Variants in RAD51B observed in about 807,000 individuals in gnomAD.
The protein encoded by RAD51B is DNA repair protein RAD51 homolog 2.
In RAD51B, 38 loss-of-function variants were observed where a neutral mutation model predicts 42.2. The observed-to-expected ratio is 0.90, with a 90% CI of 0.70 to 1.18. RAD51B has a LOEUF of 1.18. RAD51B is among the 50% of genes most tolerant of loss of function. RAD51B has a pLI of 0.00. For synonymous variants in RAD51B, 154 were observed against 145.2 expected (o/e 1.06, Z -0.43); for missense variants, 373 against 400.7 (o/e 0.93, Z 0.59).
At chr14:68,034,116 T>C (rs1218261478) in intron 7 of RAD51B, among the ~76,000 whole-genome samples, 1 of 152,176 alleles carries the variant, frequency 6.6e-6, no homozygotes, top group Admixed American at 6.5e-5. Flanking sequence ...TGTTCATTTT[T>C]TTGGTGCACC....
intron 10 of RAD51B, chr14:68,472,166 C>G (rs2140242395): frequency 6.5e-6 from 1 of 152,718 alleles, no homozygotes; most frequent in Middle Eastern, 3.3e-3. Flanking sequence ...TGGTGTGTGC[C>G]CACAGAAGCA....
At chr14:68,149,482 A>G (rs2078327403) in intron 7 of RAD51B, 1 of 152,210 alleles carries the variant, frequency 6.6e-6, no homozygotes, top group Non-Finnish European at 1.5e-5. Context: ...TTCTTTGTCA[A>G]GGTTCATTTA....
At chr14:68,603,505 T>C (rs577481817) in intron 10 of RAD51B, among the ~76,000 whole-genome samples, 1 of 152,314 alleles carries the variant, frequency 6.6e-6, no homozygotes, top group East Asian at 1.9e-4. Flanking sequence ...TATCTGTTTT[T>C]TTCATTTATC....
At chr14:68,483,452 T>G (rs887077603) in intron 10 of RAD51B, among the ~76,000 whole-genome samples, 1 of 152,192 alleles carries the variant, frequency 6.6e-6, no homozygotes, top group African/African-American at 2.4e-5. Flanking sequence ...ACTTTTCCCC[T>G]AGAGCTTTCA....
chr14:67,980,073 T>A (rs1172916729), intron 7 of RAD51B, among the ~76,000 whole-genome samples: 1 of 152,194 alleles, frequency 6.6e-6, no homozygotes, highest in Non-Finnish European at 1.5e-5. Context: ...GGTCTAGGGT[T>A]CATGCAGTTA....
At chr14:68,554,048 T>A (rs761539016) in intron 10 of RAD51B, among the ~76,000 whole-genome samples, 1 of 152,134 alleles carries the variant, frequency 6.6e-6, no homozygotes, top group Non-Finnish European at 1.5e-5. Flanking sequence ...ATAAGTCCAA[T>A]CTCATAGGGT....
At chr14:68,245,459 A>G (rs976433128) in intron 7 of RAD51B, among the ~76,000 whole-genome samples, 4 of 152,236 alleles carry the variant, frequency 2.6e-5, no homozygotes, top group African/African-American at 9.6e-5. Context: ...GCTTTGTTAC[A>G]TCCTCTTTTC....
chr14:68,037,033 T>TC (rs199949867), intron 7 of RAD51B, among the ~76,000 whole-genome samples: 2 of 41,046 alleles, frequency 4.9e-5, no homozygotes, highest in Non-Finnish European at 9.3e-5. Context: ...TTACCCTCCC[T>TC]CCCCCCCTCC....
chr14:68,638,903 G>A (rs1052410171), intron 10 of RAD51B, among the ~76,000 whole-genome samples: 6 of 152,182 alleles, frequency 3.9e-5, no homozygotes, highest in Non-Finnish European at 7.3e-5. Flanking sequence ...CAGGATGCAC[G>A]TCGGGTACTC....
intron 7 of RAD51B, among the ~76,000 whole-genome samples, chr14:67,968,287 G>C (rs1007744650): frequency 4.6e-5 from 7 of 152,196 alleles, no homozygotes; most frequent in African/African-American, 7.2e-5. Flanking sequence ...ATGCTCTGGA[G>C]AGATTTTCCC....
chr14:68,057,413 T>G (rs1292839274), intron 7 of RAD51B, among the ~76,000 whole-genome samples: 2 of 152,134 alleles, frequency 1.3e-5, no homozygotes, highest in Non-Finnish European at 2.9e-5. Flanking sequence ...GTTGCTGACA[T>G]TAAAATATAT....
chr14:68,610,118 T>G (rs1891618504), intron 10 of RAD51B, among the ~76,000 whole-genome samples: 1 of 152,068 alleles, frequency 6.6e-6, no homozygotes, highest in South Asian at 2.1e-4. Context: ...CTGCAGAACT[T>G]CTCACGAAAT....
At chr14:68,279,325 A>G (rs12434580) in intron 7 of RAD51B, among the ~76,000 whole-genome samples, 1,553 of 152,346 alleles carry the variant, frequency 0.01, 30 homozygotes, top group East Asian at 0.057. Context: ...GGCCTTGATG[A>G]AGGCAGGACG....
chr14:67,917,160 T>C (rs975975828), intron 7 of RAD51B, among the ~76,000 whole-genome samples: 5 of 152,224 alleles, frequency 3.3e-5, no homozygotes, highest in African/African-American at 1.2e-4. Context: ...CTTTTCCTAG[T>C]AACCTAGGCA....
Position 68,125,757 on chromosome 14 carries a change from TTG to T in RAD51B, c.757-166125_757-166124del, listed in dbSNP as rs963754651. The stretch of plus-strand genomic sequence containing the variant: ...TAAGAGGTTTTTGTTTTGTTTTGTT[TTG>T]TTTTTTCAAAGATAAATCCCTTTTT... On this transcript the variant is annotated intron_variant, in intron 7 of 10. Transcript: ENST00000471583. Among the ~76,000 whole-genome samples, 36 of 152,056 alleles carry T rather than the reference TTG, an allele frequency of 2.4e-4. 1 individual carries two copies. Among genetic ancestry groups the T allele is most frequent in the African/African-American group, 8.2e-4 (34 of 41,336 alleles).
chr14:67,878,071 T>C, intron 5 of RAD51B, among the ~76,000 whole-genome samples: 1 of 152,344 alleles, frequency 6.6e-6, no homozygotes, highest in Non-Finnish European at 1.5e-5. Flanking sequence ...TACAGTTTTT[T>C]CCTAATATAG....
intron 4 of RAD51B, among the ~76,000 whole-genome samples, chr14:67,854,171 A>T (rs1566925158): frequency 6.6e-6 from 1 of 152,190 alleles, no homozygotes; most frequent in Non-Finnish European, 1.5e-5. Flanking sequence ...TTTCTACCAC[A>T]CATATACTGT....
chr14:68,119,267 CTTT>C (rs111645280), intron 7 of RAD51B, among the ~76,000 whole-genome samples: 1 of 134,954 alleles, frequency 7.4e-6, no homozygotes, highest in Non-Finnish European at 1.6e-5. Flanking sequence ...ATGTTAATTT[CTTT>C]TTTTTTTTTT....
intron 7 of RAD51B, among the ~76,000 whole-genome samples, chr14:68,190,299 T>A (rs1270076219): frequency 1.3e-5 from 2 of 152,218 alleles, no homozygotes; most frequent in Admixed American, 1.3e-4. Context: ...AGGTACTTTT[T>A]TTGTGCTAGA....
Sources: gnomAD v4.1 joint callset for allele counts (sites outside exome capture counted in the v4.1 genomes callset) on GRCh38, gnomAD v4.1.1 for gene constraint, MANE v1.5 for transcripts, NCBI Gene and HGNC (gene_info 2026-07-23, HGNC 2026-07-21) for gene names.